CIROZ: variants seen among roughly 807,000 people sequenced by gnomAD.
The protein encoded by CIROZ is ciliated left-right organizer ZP-N domains-containing protein.
chr1:10,970,480 T>G, the CIROZ span, among the ~76,000 whole-genome samples: 1 of 151,938 alleles, frequency 6.6e-6, no homozygotes, highest in Non-Finnish European at 1.5e-5. Flanking sequence ...AATACAAAAA[T>G]TAGCCAGGCG....
the CIROZ span, chr1:10,948,658 T>C: frequency 3.1e-6 from 5 of 1,613,122 alleles, no homozygotes; most frequent in Non-Finnish European, 4.2e-6. Flanking sequence ...CGCCAGGGAC[T>C]AGCCTGGACA....
chr1:10,974,441 G>A, the CIROZ span, among the ~76,000 whole-genome samples: 1 of 152,132 alleles, frequency 6.6e-6, no homozygotes, highest in East Asian at 1.9e-4. This position sits in a 1 kb window ranked among gnomAD's most constrained non-coding sequence, Gnocchi z 4.4. Flanking sequence ...GCAGAGACCT[G>A]CAGAGACGTC....
the CIROZ span, among the ~76,000 whole-genome samples, chr1:10,946,978 G>A: frequency 1.3e-5 from 2 of 152,214 alleles, no homozygotes; most frequent in Non-Finnish European, 2.9e-5. Flanking sequence ...CCTGGGCCGG[G>A]AGGTGGATGG....
the CIROZ span, chr1:10,954,846 G>C: frequency 1.1e-6 from 1 of 872,642 alleles, no homozygotes; most frequent in Non-Finnish European, 1.7e-6. Context: ...TCCGGCCTCG[G>C]CTTCCCAAAG....
the CIROZ span, among the ~76,000 whole-genome samples, chr1:10,960,894 T>A: frequency 6.6e-6 from 1 of 151,560 alleles, no homozygotes; most frequent in Non-Finnish European, 1.5e-5. This position sits in a 1 kb window ranked among gnomAD's most constrained non-coding sequence, Gnocchi z 4.6. Flanking sequence ...TTCGATGAGG[T>A]TCTCAGATGG....
the CIROZ span, among the ~76,000 whole-genome samples, chr1:10,959,955 G>A: frequency 1.3e-5 from 2 of 152,216 alleles, no homozygotes; most frequent in African/African-American, 4.8e-5. This position sits in a 1 kb window ranked among gnomAD's most constrained non-coding sequence, Gnocchi z 4.3. Context: ...GCAGAATGAG[G>A]AGGATGCGGC....
chr1:10,948,683 C>T, the CIROZ span: 22 of 1,604,076 alleles, frequency 1.4e-5, no homozygotes, highest in Admixed American at 8.4e-5. Context: ...CTACAGGCTC[C>T]GAGGGGAGCG....
At chr1:10,967,843 A>G in the CIROZ span, among the ~76,000 whole-genome samples, 2 of 152,130 alleles carry the variant, frequency 1.3e-5, no homozygotes, top group Admixed American at 6.6e-5. Flanking sequence ...GAGTGGTGGC[A>G]GGCACCTGTA....
chr1:10,951,811 C>T, the CIROZ span, among the ~76,000 whole-genome samples: 7 of 148,714 alleles, frequency 4.7e-5, no homozygotes, highest in African/African-American at 1.7e-4. Flanking sequence ...TATATCTAAA[C>T]CATCTCTTAG....
At chr1:10,981,285 C>CA in the CIROZ span, among the ~76,000 whole-genome samples, 2 of 151,856 alleles carry the variant, frequency 1.3e-5, no homozygotes, top group South Asian at 2.1e-4. Flanking sequence ...CCTGTCTCTA[C>CA]AAAAAAATTA....
At chr1:10,949,561 T>C in the CIROZ span, 1 of 1,544,520 alleles carries the variant, frequency 6.5e-7, no homozygotes, top group African/African-American at 1.4e-5. Flanking sequence ...GGTCTACCGA[T>C]ACTTCTTGGG....
the CIROZ span, among the ~76,000 whole-genome samples, chr1:10,973,956 A>AC: frequency 3.3e-4 from 45 of 134,332 alleles, no homozygotes; most frequent in East Asian, 8.9e-4. Context: ...CCCAGGAAGG[A>AC]CCCCCCCCAC....
the CIROZ span, among the ~76,000 whole-genome samples, chr1:10,972,306 G>A: frequency 6.6e-6 from 1 of 152,140 alleles, no homozygotes; most frequent in South Asian, 2.1e-4. Flanking sequence ...TCTGGAAGAT[G>A]AGGCAGCAGG....
At chr1:10,949,405 G>T in the CIROZ span, 1 of 594,354 alleles carries the variant, frequency 1.7e-6, no homozygotes, top group Non-Finnish European at 2.9e-6. Context: ...CGACAGATGA[G>T]GGGGGCTGCC....
the CIROZ span, chr1:10,949,213 G>T: frequency 4.4e-6 from 1 of 226,496 alleles, no homozygotes; most frequent in East Asian, 9.9e-5. Context: ...GACAAAGCAA[G>T]ACCCCATCTC....
At chr1:10,958,597 G>A in the CIROZ span, 94 of 1,231,204 alleles carry the variant, frequency 7.6e-5, no homozygotes, top group Middle Eastern at 5.6e-4. Flanking sequence ...TACCATCCAC[G>A]ACACTCTCCG....
the CIROZ span, among the ~76,000 whole-genome samples, chr1:10,953,353 T>C: frequency 3.9e-5 from 6 of 152,258 alleles, no homozygotes; most frequent in Non-Finnish European, 4.4e-5. Context: ...TGTATTTCAA[T>C]GGATTTTGCT....
chr1:10,960,200 C>T, the CIROZ span, among the ~76,000 whole-genome samples: 38 of 152,074 alleles, frequency 2.5e-4, no homozygotes, highest in Non-Finnish European at 4.0e-4. This position sits in a 1 kb window ranked among gnomAD's most constrained non-coding sequence, Gnocchi z 4.6. Context: ...CCAGCCTGGG[C>T]AACATGGTGA....
the CIROZ span, chr1:10,966,509 G>A: frequency 6.6e-7 from 1 of 1,515,302 alleles, no homozygotes. Flanking sequence ...ACAGAAACGT[G>A]GGTTGAGCCT....
Sources: allele counts gnomAD v4.1 joint callset (sites outside exome capture counted in the v4.1 genomes callset), GRCh38; gene constraint gnomAD v4.1.1; non-coding constraint Gnocchi (gnomAD v3.1); transcripts MANE v1.5; gene names NCBI Gene and HGNC (gene_info 2026-07-23, HGNC 2026-07-21).